CLIP2: variants seen among roughly 807,000 people sequenced by gnomAD.
CLIP2 encodes the protein CAP-Gly domain-containing linker protein 2.
Under a neutral mutation model 111.7 loss-of-function variants are expected in CLIP2, and 41 were observed. The ratio of observed to expected loss-of-function variants is 0.37; its 90% CI spans 0.29 to 0.48. The LOEUF is 0.48. CLIP2 is among the 20% of genes least tolerant of loss of function. The pLI is 0.99. For synonymous variants in CLIP2, 660 were observed against 644.2 expected (o/e 1.02, Z -0.37); for missense variants, 1,160 against 1,422.1 (o/e 0.82, Z 2.96).
chr7:74,403,751 C>G, intron 16 of CLIP2, 86 bp from the exon 17 acceptor site: 1 of 1,448,166 alleles, frequency 6.9e-7, no homozygotes, highest in Non-Finnish European at 9.7e-7. Flanking sequence ...CCGGCCCCAA[C>G]TCCTTTCCTC....
chr7:74,334,256 C>T (rs782592159), intron 2 of CLIP2, among the ~76,000 whole-genome samples: 43 of 152,218 alleles, frequency 2.8e-4, no homozygotes, highest in Non-Finnish European at 4.4e-4. Context: ...CCCTGTGATG[C>T]GGGGGCAGCC....
chr7:74,303,911 C>CAAAA (rs34205594), intron 1 of CLIP2, among the ~76,000 whole-genome samples: 9 of 124,710 alleles, frequency 7.2e-5, no homozygotes, highest in East Asian at 4.8e-4. Context: ...GACTCGGTCT[C>CAAAA]AAAAAAAAAA....
intron 1 of CLIP2, among the ~76,000 whole-genome samples, chr7:74,293,449 A>G (rs1261372353): frequency 1.3e-5 from 2 of 152,078 alleles, no homozygotes; most frequent in African/African-American, 4.8e-5. Flanking sequence ...GCCTGAGTCC[A>G]CGGGACCTCC....
chr7:74,381,548 CTCT>C (rs1554313916), intron 11 of CLIP2: 2 of 452,992 alleles, frequency 4.4e-6, no homozygotes, highest in Admixed American at 4.8e-5. Context: ...GGCAAACTAA[CTCT>C]TCACTGTTCT....
At chr7:74,311,829 T>C (rs1788646706) in intron 1 of CLIP2, among the ~76,000 whole-genome samples, 1 of 151,688 alleles carries the variant, frequency 6.6e-6, no homozygotes, top group Admixed American at 6.6e-5. Flanking sequence ...GGAGGATTGC[T>C]TGAGCCCAGG....
At chr7:74,393,370 CTTG>C (rs1372926130) in intron 13 of CLIP2, among the ~76,000 whole-genome samples, 1 of 139,698 alleles carries the variant, frequency 7.2e-6, no homozygotes. Flanking sequence ...GAGTTTTGCT[CTTG>C]TTGTCCAGGC....
intron 8 of CLIP2, among the ~76,000 whole-genome samples, chr7:74,366,004 C>T (rs1554310791): frequency 1.3e-5 from 2 of 152,022 alleles, no homozygotes; most frequent in African/African-American, 4.8e-5. Flanking sequence ...GGGTCTCAAA[C>T]TCCTAGGTTC....
rs531383992 is a variant in CLIP2, at chr7:74,355,972, G to A, written c.804-438G>A. Among the ~76,000 whole-genome samples, 3 of 152,300 alleles carry A rather than the reference G, an allele frequency of 2.0e-5. No individual in the cohort carries two copies. The South Asian group carries it at 6.2e-4, about 32-fold the overall frequency. ...AGTCTGTGGGAGCCAAGCTTAGCGG[G>A]TGTTGGAGCCCAGCACACTGGAGGA... On this transcript the variant is annotated intron_variant, in intron 4 of 16. Transcript: ENST00000223398.
At position 74,372,955 on chromosome 7, in the gene CLIP2, G is replaced by T. The variant is rs782321095; in HGVS notation, c.1404G>T (p.Ala468=). 2.2e-6 allele frequency: 3 copies of T among 1,391,864 alleles called. No individual in the cohort carries two copies. Among genetic ancestry groups the T allele is most frequent in the Non-Finnish European group, 2.9e-6 (3 of 1,049,948 alleles). The allele number at this position is 1,391,864 out of a possible 1,614,324, so 86.2% of individuals were successfully genotyped here. The part of the protein sequence containing the change: ...DLETQTQLEH[A]RIGELEQSLL... Reference sequence around the variant, plus strand: ...AGACCCAGACGCAGCTGGAGCACGCGCGCATTGGGGAGCTGGAACAGAGCC... The same window carrying T: ...AGACCCAGACGCAGCTGGAGCACGCTCGCATTGGGGAGCTGGAACAGAGCC... The change falls in exon 9 of 17, where the codon GCG becomes GCT. Residue 468 remains alanine (A), a synonymous_variant. Coordinates refer to ENST00000223398, the MANE Select transcript of CLIP2 (RefSeq NM_003388.5).
intron 8 of CLIP2, among the ~76,000 whole-genome samples, chr7:74,370,538 C>T (rs1271848342): frequency 3.3e-5 from 5 of 151,938 alleles, no homozygotes; most frequent in East Asian, 1.9e-4. Flanking sequence ...AGCACTGAGA[C>T]ACTAGATATC....
intron 3 of CLIP2, among the ~76,000 whole-genome samples, chr7:74,339,667 T>C (rs1789599306): frequency 6.6e-6 from 1 of 152,174 alleles, no homozygotes; most frequent in Admixed American, 6.6e-5. Flanking sequence ...GTATCACTCA[T>C]TTAGACAGTG....
intron 15 of CLIP2, 97 bp downstream of exon 15, chr7:74,400,652 C>T: frequency 1.6e-6 from 2 of 1,255,618 alleles, no homozygotes; most frequent in Non-Finnish European, 2.2e-6. Flanking sequence ...TCTTTAAAAC[C>T]CCAGTCTGAG....
chr7:74,349,302 G>A (rs917720969), intron 3 of CLIP2, among the ~76,000 whole-genome samples: 1 of 150,630 alleles, frequency 6.6e-6, no homozygotes, highest in Non-Finnish European at 1.5e-5. Context: ...GTGGTGGCAC[G>A]TGCCTGTAAT....
chr7:74,318,972 C>T (rs1788868792), intron 2 of CLIP2, among the ~76,000 whole-genome samples: 1 of 152,124 alleles, frequency 6.6e-6, no homozygotes, highest in Admixed American at 6.6e-5. Flanking sequence ...CTGGCAGAGC[C>T]AAATGGGCAG....
At chr7:74,365,066 A>G (rs1312281168) in intron 8 of CLIP2, among the ~76,000 whole-genome samples, 2 of 148,252 alleles carry the variant, frequency 1.3e-5, no homozygotes, top group Non-Finnish European at 3.0e-5. Flanking sequence ...TCTCAAAAAA[A>G]AGAATGGATG....
chr7:74,299,177 C>CA (rs1376571121), intron 1 of CLIP2, among the ~76,000 whole-genome samples: 1 of 151,890 alleles, frequency 6.6e-6, no homozygotes, highest in African/African-American at 2.4e-5. Flanking sequence ...ATAAAAAATA[C>CA]AAAAATTAGC....
At chr7:74,350,839 A>G (rs532193629) in intron 3 of CLIP2, among the ~76,000 whole-genome samples, 23 of 151,106 alleles carry the variant, frequency 1.5e-4, no homozygotes, top group Non-Finnish European at 2.9e-4. Context: ...GCACTCCAGT[A>G]TGGGTGACAA....
intron 16 of CLIP2, 28 bp from the exon 17 acceptor site, chr7:74,403,809 T>G: frequency 1.9e-6 from 3 of 1,612,842 alleles, no homozygotes; most frequent in Non-Finnish European, 2.5e-6. Flanking sequence ...CTGAGACCCT[T>G]GCTGATGATG....
chr7:74,359,524 T>G (rs1190595582), intron 6 of CLIP2, among the ~76,000 whole-genome samples: 2 of 151,550 alleles, frequency 1.3e-5, no homozygotes, highest in East Asian at 3.9e-4. Context: ...CAGCTAATGT[T>G]TTTTGTATTT....
Sources: allele counts gnomAD v4.1 joint callset (sites outside exome capture counted in the v4.1 genomes callset), GRCh38; gene constraint gnomAD v4.1.1; transcripts MANE v1.5; gene names NCBI Gene and HGNC (gene_info 2026-07-23, HGNC 2026-07-21).